Variants in POPDC2 observed in about 807,000 individuals in gnomAD.
The protein encoded by POPDC2 is popeye domain-containing protein 2.
In POPDC2, 24 loss-of-function variants were observed where a neutral mutation model predicts 30.5. The ratio of observed to expected loss-of-function variants is 0.79; its 90% CI spans 0.57 to 1.11. POPDC2 has a LOEUF of 1.11. Among genes scored for constraint, POPDC2 ranks in the 50% least tolerant of loss-of-function variants. POPDC2 has a pLI of 0.00. For missense variants in POPDC2, 409 were observed against 447.0 expected (o/e 0.91, Z 0.77); for synonymous variants, 185 against 183.3 (o/e 1.01, Z -0.07).
chr3:119,657,108 G>A (rs1034237114), intron 1 of POPDC2, among the ~76,000 whole-genome samples: 42 of 152,224 alleles, frequency 2.8e-4, no homozygotes, highest in African/African-American at 1.0e-3. Context: ...GATGCAAAGG[G>A]TATTGAGAAG....
chr3:119,648,994 G>A (rs2107816210), intron 2 of POPDC2, among the ~76,000 whole-genome samples: 1 of 152,364 alleles, frequency 6.6e-6, no homozygotes, highest in East Asian at 1.9e-4. Context: ...ACTGCAGAAA[G>A]TTCTGAGTCT....
intron 1 of POPDC2, among the ~76,000 whole-genome samples, chr3:119,657,388 A>G (rs1259598922): frequency 6.6e-6 from 1 of 152,242 alleles, no homozygotes; most frequent in Non-Finnish European, 1.5e-5. Flanking sequence ...ACCAGCACCA[A>G]TTAAAAAAAC....
At chr3:119,656,355 A>G (rs1872432) in intron 1 of POPDC2, among the ~76,000 whole-genome samples, 86,283 of 151,894 alleles carry the variant, frequency 0.57, 25,339 homozygotes, top group East Asian at 0.73. Context: ...CAGAAATCCG[A>G]ATTATTTGCT....
chr3:119,646,631 C>T (rs187663482), intron 3 of POPDC2, among the ~76,000 whole-genome samples: 18 of 152,000 alleles, frequency 1.2e-4, no homozygotes, highest in Non-Finnish European at 1.5e-5. Flanking sequence ...CAGAGTGAGA[C>T]CCTGTCTCAA....
chr3:119,655,979 A>C (rs2052874768), intron 1 of POPDC2, among the ~76,000 whole-genome samples: 1 of 152,192 alleles, frequency 6.6e-6, no homozygotes, highest in Non-Finnish European at 1.5e-5. Flanking sequence ...CACCTGACTC[A>C]AGCTGAGCCA....
At chr3:119,658,142 A>C (rs76240434) in intron 1 of POPDC2, among the ~76,000 whole-genome samples, 12,283 of 152,212 alleles carry the variant, frequency 0.081, 694 homozygotes, top group East Asian at 0.2. Flanking sequence ...TTGGTCCCTT[A>C]CTGTAACCAG....
chr3:119,658,756 C>T lies in POPDC2; in HGVS notation c.491+1177G>A, dbSNP rs77508646. Reference sequence around the variant, plus strand: ...TCCTAGCTCACTCTATCCAGGACCTCTGAGTTCAAACAAAATCAAAACATA... The same window carrying T: ...TCCTAGCTCACTCTATCCAGGACCTTTGAGTTCAAACAAAATCAAAACATA... On this transcript the variant is annotated intron_variant, in intron 1 of 3. Coordinates refer to ENST00000493094, the MANE Select transcript of POPDC2 (RefSeq NM_001369919.2). Among the ~76,000 whole-genome samples the T allele has an allele frequency of 2.0e-5, 3 of 152,312 alleles. No individual in the cohort carries two copies. The East Asian group carries it at 5.8e-4, about 29-fold the overall frequency.
At chr3:119,651,626 CTTTCTT>C (rs2052810940) in intron 2 of POPDC2, among the ~76,000 whole-genome samples, 1 of 152,178 alleles carries the variant, frequency 6.6e-6, no homozygotes, top group East Asian at 1.9e-4. Context: ...CCTAATGTCA[CTTTCTT>C]CCCCCACCCC....
At chr3:119,649,589 G>A (rs932016649) in intron 2 of POPDC2, among the ~76,000 whole-genome samples, 2 of 152,098 alleles carry the variant, frequency 1.3e-5, no homozygotes, top group Admixed American at 1.3e-4. Context: ...TAATACTTTG[G>A]GCTGGCAGAG....
chr3:119,651,958 G>A (rs569164528), intron 2 of POPDC2, among the ~76,000 whole-genome samples: 4 of 152,140 alleles, frequency 2.6e-5, no homozygotes, highest in Admixed American at 6.5e-5. Context: ...CTCATGTCCT[G>A]TATAAAATCC....
chr3:119,649,886 A>G (rs945987874), intron 2 of POPDC2, among the ~76,000 whole-genome samples: 2 of 151,738 alleles, frequency 1.3e-5, no homozygotes, highest in African/African-American at 4.9e-5. Flanking sequence ...ACTTTTCTCC[A>G]CTAATTGCTA....
At chr3:119,649,239 T>C (rs2052783899) in intron 2 of POPDC2, among the ~76,000 whole-genome samples, 1 of 152,148 alleles carries the variant, frequency 6.6e-6, no homozygotes, top group African/African-American at 2.4e-5. Flanking sequence ...TGCTCGTAAC[T>C]TGGCCATTTC....
At chr3:119,660,636 C>T, upstream of POPDC2, 1 of 464,162 alleles carries the variant, frequency 2.2e-6, no homozygotes. Flanking sequence ...CTTTCTCTCT[C>T]TCTCTCTCTC....
chr3:119,655,878 G>A (rs1171268340), intron 1 of POPDC2, among the ~76,000 whole-genome samples: 4 of 152,026 alleles, frequency 2.6e-5, no homozygotes, highest in African/African-American at 9.7e-5. Flanking sequence ...ACCCTTTCCC[G>A]GACCTCTCTA....
chr3:119,649,661 T>C (rs892603629), intron 2 of POPDC2, among the ~76,000 whole-genome samples: 1 of 152,244 alleles, frequency 6.6e-6, no homozygotes, highest in African/African-American at 2.4e-5. Flanking sequence ...TGTTAGCAGC[T>C]AATATTTGTC....
intron 1 of POPDC2, 142 bp from the exon 2 acceptor site, chr3:119,654,755 CT>C (rs2052860354): frequency 1.6e-6 from 1 of 634,018 alleles, no homozygotes; most frequent in South Asian, 1.9e-5. Context: ...CAAAGCTAGA[CT>C]AGCCAGCCTA....
intron 1 of POPDC2, among the ~76,000 whole-genome samples, chr3:119,656,021 G>A (rs1453132874): frequency 1.3e-5 from 2 of 152,142 alleles, no homozygotes; most frequent in Non-Finnish European, 2.9e-5. Context: ...TTTGGAAATG[G>A]AATTGCGTGT....
intron 2 of POPDC2, among the ~76,000 whole-genome samples, chr3:119,649,256 C>A (rs1205142515): frequency 2.0e-5 from 3 of 152,022 alleles, no homozygotes; most frequent in Non-Finnish European, 4.4e-5. Flanking sequence ...TTTCAAGTAA[C>A]CAAAAGGATC....
rs180694652 is a variant in POPDC2, at chr3:119,643,697, C to A, written c.*44-1136G>T. 3.4e-3 allele frequency among the ~76,000 whole-genome samples: 520 copies of A among 152,280 alleles called. 3 individuals carry two copies. The highest frequency in any genetic ancestry group is 0.012 in the African/African-American group (500 of 41,554). On this transcript the variant is annotated intron_variant, in intron 3 of 3. Coordinates refer to ENST00000493094, the MANE Select transcript of POPDC2 (RefSeq NM_001369919.2). The stretch of plus-strand genomic sequence containing the variant: ...AAGACTAGAGTCCAGATCTTAGAAA[C>A]ACAGAATCCTAGAGTTAGAAGTTAC...
Sources: gnomAD v4.1 joint callset for allele counts (sites outside exome capture counted in the v4.1 genomes callset) on GRCh38, gnomAD v4.1.1 for gene constraint, MANE v1.5 for transcripts, NCBI Gene and HGNC (gene_info 2026-07-23, HGNC 2026-07-21) for gene names.